The following TEX11 variants were observed in gnomAD, a reference collection of about 807,000 sequenced individuals.
The protein encoded by TEX11 is testis expressed 11, also known as testis-expressed protein 11.
TEX11 carries 7 observed loss-of-function variants against 84.4 expected under a neutral mutation model. That is an observed-to-expected ratio of 0.08 (90% confidence interval 0.05 to 0.16). TEX11 has a LOEUF of 0.16. Among genes scored for constraint, TEX11 ranks in the 10% least tolerant of loss-of-function variants. The pLI is 1.00. For missense variants in TEX11, 551 were observed against 660.5 expected (o/e 0.83, Z 1.82); for synonymous variants, 264 against 222.8 (o/e 1.18, Z -1.64).
At chrX:70,518,026 G>A in the TEX11 span, among the ~76,000 whole-genome samples, 3 of 106,932 alleles carry the variant, frequency 2.8e-5, no homozygotes, top group Admixed American at 2.0e-4. Context: ...TTCTTTATTG[G>A]TCTTGGTAGT....
intron 9 of TEX11, among the ~76,000 whole-genome samples, chrX:70,758,700 T>C (rs1032263447): frequency 3.6e-5 from 4 of 111,291 alleles, no homozygotes; most frequent in Admixed American, 9.5e-5. Flanking sequence ...AACATCACAA[T>C]TGAAAGAACT....
At chrX:70,567,137 G>T (rs1333951215) in intron 25 of TEX11, among the ~76,000 whole-genome samples, 1 of 111,087 alleles carries the variant, frequency 9.0e-6, no homozygotes, top group Non-Finnish European at 1.9e-5. Flanking sequence ...TCTTGGGAGG[G>T]TGTATGTGTC....
intron 5 of TEX11, among the ~76,000 whole-genome samples, chrX:70,855,087 A>G (rs761188461): frequency 7.8e-4 from 87 of 110,977 alleles, no homozygotes; most frequent in African/African-American, 2.8e-3. Flanking sequence ...AAAAAATTAT[A>G]TGTGTGTATA....
chrX:70,640,307 A>G (rs2089637426), intron 17 of TEX11, among the ~76,000 whole-genome samples: 1 of 106,166 alleles, frequency 9.4e-6, no homozygotes, highest in South Asian at 4.5e-4. Context: ...TGTACCTGAA[A>G]GTGATGGGGA....
rs2090727866 is a variant in TEX11, at chrX:70,740,744, T to C, written c.800A>G (p.Lys267Arg). Residue 267 changes from lysine to arginine, a missense_variant, in exon 11 of 30, where the codon AAA becomes AGA. Lys to Arg is a conservative substitution (Grantham distance 26, BLOSUM62 2). Coordinates refer to ENST00000374333, the MANE Select transcript of TEX11 (RefSeq NM_031276.3). ...AGCATTGAGAGCCTTATCATAATAT[T>C]TGGTGTCATCCCAATCCAAATAATT... ...ATNYLDWDDT[K>R]YYDKALNAVN... The C allele has an allele frequency of 8.3e-7, 1 of 1,199,160 alleles. No homozygotes were observed. Among genetic ancestry groups the C allele is most frequent in the Non-Finnish European group, 1.1e-6 (1 of 889,376 alleles).
At chrX:70,713,111 T>C (rs755823307) in intron 13 of TEX11, among the ~76,000 whole-genome samples, 1 of 112,181 alleles carries the variant, frequency 8.9e-6, no homozygotes, top group South Asian at 3.8e-4. Context: ...TTGCATATGT[T>C]GAACCAGCCT....
intron 13 of TEX11, among the ~76,000 whole-genome samples, chrX:70,703,562 C>T (rs1246337881): frequency 9.0e-6 from 1 of 111,230 alleles, no homozygotes; most frequent in Non-Finnish European, 1.9e-5. Context: ...GATACTTTTC[C>T]TCTGCCTTGG....
intron 22 of TEX11, among the ~76,000 whole-genome samples, chrX:70,608,666 G>A (rs1024229021): frequency 9.3e-5 from 10 of 107,612 alleles, no homozygotes; most frequent in African/African-American, 3.1e-4. Flanking sequence ...GTGTGAACCC[G>A]GGAGGCGGAG....
chrX:70,731,251 A>G (rs2090647582), intron 11 of TEX11, among the ~76,000 whole-genome samples: 1 of 111,690 alleles, frequency 9.0e-6, no homozygotes, highest in Admixed American at 9.6e-5. Context: ...GAATTACAGA[A>G]GCAAGAGCAA....
intron 24 of TEX11, among the ~76,000 whole-genome samples, chrX:70,604,649 T>C (rs181273308): frequency 6.2e-4 from 69 of 111,565 alleles, no homozygotes; most frequent in African/African-American, 2.1e-3. Flanking sequence ...AAAGGGTTTA[T>C]ATTACTTGGA....
chrX:70,574,220 C>T (rs2088642910), intron 25 of TEX11, among the ~76,000 whole-genome samples: 1 of 111,689 alleles, frequency 9.0e-6, no homozygotes, highest in African/African-American at 3.3e-5. Context: ...TTAGCAACAT[C>T]CAAAAATGAT....
At chrX:70,828,711 G>A (rs1479107319) in intron 8 of TEX11, among the ~76,000 whole-genome samples, 1 of 111,290 alleles carries the variant, frequency 9.0e-6, no homozygotes, top group Admixed American at 9.6e-5. Context: ...CCCAAACCTG[G>A]AGAAAGATAT....
At chrX:70,890,213 C>G (rs1405864828) in intron 2 of TEX11, among the ~76,000 whole-genome samples, 3 of 111,950 alleles carry the variant, frequency 2.7e-5, no homozygotes, top group Non-Finnish European at 5.6e-5. Flanking sequence ...GAGGTTAATT[C>G]AGGATTCCAT....
intron 9 of TEX11, among the ~76,000 whole-genome samples, chrX:70,786,335 G>C (rs1203490506): frequency 1.8e-5 from 2 of 111,249 alleles, no homozygotes; most frequent in East Asian, 5.6e-4. Flanking sequence ...GGTGGGCTTG[G>C]GGGAGGGATA....
chrX:70,566,790 A>G (rs1211881062), intron 25 of TEX11, among the ~76,000 whole-genome samples: 81 of 111,437 alleles, frequency 7.3e-4, no homozygotes, highest in African/African-American at 2.5e-3. Flanking sequence ...TTGATGTGCT[A>G]CTGGATTCGG....
rs371136855 is a variant in TEX11 at position 70,722,567 on chromosome X, T to C, written c.1004+51A>G. On this transcript the variant is annotated intron_variant, in intron 13 of 29. Coordinates refer to ENST00000374333, the MANE Select transcript of TEX11 (RefSeq NM_031276.3). ...TGGGATTCTAGGTGTGAGCCACTGGTGCCTAGCCAAAAACTGTCAGTCTTT... is the reference window on the plus strand; with the variant it reads ...TGGGATTCTAGGTGTGAGCCACTGGCGCCTAGCCAAAAACTGTCAGTCTTT... 2.1e-5 allele frequency: 22 copies of C among 1,043,748 alleles called. No individual in the cohort carries two copies. The Middle Eastern group carries it at 1.5e-3, about 71-fold the overall frequency. The allele number at this position is 1,043,748 out of a possible 1,213,427, so 86.0% of individuals were successfully genotyped here.
At position 70,661,665 on chromosome X, in the gene TEX11, T is replaced by A. The variant is rs1349500707; in HGVS notation, c.1380+8712A>T. ...GACACCTCACACAGCCGGGTACTCC[T>A]CTGAGACAAAACTTCCAGAGGAATG... On this transcript the variant is annotated intron_variant, in intron 16 of 29. Coordinates refer to ENST00000374333, the MANE Select transcript of TEX11 (RefSeq NM_031276.3). Among the ~76,000 whole-genome samples the A allele has an allele frequency of 6.3e-5, 7 of 111,369 alleles. No individual in the cohort carries two copies. The East Asian group carries it at 2.0e-3, about 32-fold the overall frequency.
chrX:70,817,256 C>T (rs750630511), intron 8 of TEX11, among the ~76,000 whole-genome samples: 984 of 81,328 alleles, frequency 0.012, 7 homozygotes, highest in African/African-American at 0.041. Flanking sequence ...TATATATATA[C>T]ACACACACAC....
chrX:70,681,768 G>A (rs1402354830), intron 14 of TEX11, among the ~76,000 whole-genome samples: 6 of 111,002 alleles, frequency 5.4e-5, no homozygotes, highest in Admixed American at 1.9e-4. Flanking sequence ...TAGGAAAACC[G>A]GATAACCAAG....
Sources: allele counts gnomAD v4.1 joint callset (sites outside exome capture counted in the v4.1 genomes callset), GRCh38; gene constraint gnomAD v4.1.1; transcripts MANE v1.5; gene names NCBI Gene and HGNC (gene_info 2026-07-23, HGNC 2026-07-21).